Variants in SNX25 observed in about 807,000 individuals in gnomAD.
SNX25 encodes sorting nexin-25.
SNX25 carries 62 observed loss-of-function variants against 113.7 expected under a neutral mutation model. That is an observed-to-expected ratio of 0.55 (90% CI 0.44 to 0.67). The LOEUF is 0.67. SNX25 is among the 30% of genes least tolerant of loss of function. The pLI is 0.00. For missense variants in SNX25, 1,014 were observed against 1,161.0 expected (o/e 0.87, Z 1.84); for synonymous variants, 421 against 436.2 (o/e 0.97, Z 0.43).
intron 5 of SNX25, among the ~76,000 whole-genome samples, chr4:185,281,882 CG>C (rs1750622435): frequency 6.6e-6 from 1 of 151,864 alleles, no homozygotes; most frequent in Admixed American, 6.6e-5. Context: ...CGGGTATGGT[CG>C]TGCGCACCTG....
chr4:185,239,993 A>G (rs1242075232), intron 1 of SNX25, among the ~76,000 whole-genome samples: 1 of 150,878 alleles, frequency 6.6e-6, no homozygotes, highest in Non-Finnish European at 1.5e-5. Flanking sequence ...TCCTTCAAGC[A>G]TCTGTTTAAC....
chr4:185,278,856 A>T (rs1750129820), intron 5 of SNX25, among the ~76,000 whole-genome samples: 2 of 152,354 alleles, frequency 1.3e-5, no homozygotes, highest in South Asian at 2.1e-4. Context: ...AACAGCTGAC[A>T]TAAAACTATG....
the SNX25 span, chr4:185,376,994 T>C: frequency 4.3e-6 from 7 of 1,613,356 alleles, no homozygotes; most frequent in African/African-American, 5.3e-5. Context: ...CAATGCCTTA[T>C]CCACCAAATT....
At chr4:185,264,341 C>A in intron 3 of SNX25, 97 bp from the exon 4 acceptor site, 1 of 1,169,856 alleles carries the variant, frequency 8.5e-7, no homozygotes, top group Non-Finnish European at 1.2e-6. Context: ...GTTACTATAA[C>A]CAATGTGTTT....
At chr4:185,256,146 G>T (rs62347787) in intron 2 of SNX25, among the ~76,000 whole-genome samples, 51,725 of 152,026 alleles carry the variant, frequency 0.34, 10,645 homozygotes, top group East Asian at 0.56. Flanking sequence ...CCACCTTACA[G>T]ACTAGAAGCC....
chr4:185,239,412 C>T (rs193104044), intron 1 of SNX25, among the ~76,000 whole-genome samples: 388 of 152,160 alleles, frequency 2.5e-3, no homozygotes, highest in African/African-American at 4.6e-3. Context: ...GAACCCAGGA[C>T]GCGGAGCTTG....
intron 6 of SNX25, among the ~76,000 whole-genome samples, chr4:185,303,790 C>T (rs1311397856): frequency 2.0e-5 from 3 of 151,954 alleles, no homozygotes; most frequent in Non-Finnish European, 2.9e-5. Flanking sequence ...AACTCCTGTA[C>T]GATTTCTGCT....
chr4:185,280,293 G>A (rs761683735), intron 5 of SNX25, among the ~76,000 whole-genome samples: 3 of 152,148 alleles, frequency 2.0e-5, no homozygotes, highest in Middle Eastern at 3.2e-3. Flanking sequence ...AAGATTTTTG[G>A]TGTATCTATA....
At chr4:185,316,084 G>A (rs751250799) in intron 7 of SNX25, among the ~76,000 whole-genome samples, 6 of 152,130 alleles carry the variant, frequency 3.9e-5, no homozygotes. Flanking sequence ...AGTTTTTTAT[G>A]TCCTTTGTAA....
At chr4:185,357,847 C>T in intron 16 of SNX25, 110 bp downstream of exon 16, 1 of 926,628 alleles carries the variant, frequency 1.1e-6, no homozygotes, top group Non-Finnish European at 1.7e-6. Flanking sequence ...CTTTAATTTT[C>T]TCTCACTTTT....
intron 7 of SNX25, among the ~76,000 whole-genome samples, chr4:185,311,771 G>C (rs149550061): frequency 4.1e-4 from 62 of 152,272 alleles, no homozygotes; most frequent in African/African-American, 1.4e-3. Flanking sequence ...CTATTCCAGT[G>C]ATCAGCCTTG....
chr4:185,210,126 C>T lies in SNX25; in HGVS notation c.300C>T (p.Cys100=). Residue 100 remains cysteine (C), a synonymous_variant, in exon 1 of 19, where the codon TGC becomes TGT. Transcript: ENST00000652585. The surrounding 1 kb of genome is among the most constrained non-coding windows in gnomAD (Gnocchi z 4.4). ...VLFRLSLYLS[C]AAAAFLLGIL... ...TCAGGCTCAGCCTGTACCTGAGCTG[C>T]GCGGCGGCCGCCTTCCTGCTGGGGA... 3 of 984,058 alleles carry T rather than the reference C, an allele frequency of 3.0e-6. No homozygotes were observed. Among genetic ancestry groups the T allele is most frequent in the Non-Finnish European group, 3.6e-6 (3 of 829,490 alleles). 61.0% of individuals were successfully genotyped at this position (984,058 alleles called of 1,614,324 possible). A position where few individuals can be genotyped will look rare whatever the true frequency, so the allele number is the denominator to read the frequency against.
chr4:185,290,529 T>C (rs1337730010), intron 6 of SNX25, among the ~76,000 whole-genome samples: 1 of 152,212 alleles, frequency 6.6e-6, no homozygotes, highest in Non-Finnish European at 1.5e-5. Flanking sequence ...CTGCATAGTA[T>C]AATGCTCCAG....
chr4:185,301,069 C>T (rs1368826456), intron 6 of SNX25, among the ~76,000 whole-genome samples: 1 of 152,100 alleles, frequency 6.6e-6, no homozygotes, highest in African/African-American at 2.4e-5. Context: ...ACCCTCATTC[C>T]AAAGAGGGTC....
chr4:185,223,027 A>G (rs1210978557), intron 1 of SNX25, among the ~76,000 whole-genome samples: 5 of 152,222 alleles, frequency 3.3e-5, no homozygotes, highest in African/African-American at 1.2e-4. Context: ...ATTATACAAT[A>G]AAGAATGCAG....
intron 1 of SNX25, among the ~76,000 whole-genome samples, chr4:185,228,593 G>T (rs969283352): frequency 3.3e-5 from 5 of 152,102 alleles, no homozygotes; most frequent in African/African-American, 1.2e-4. Flanking sequence ...CTAGAGTGCA[G>T]AGGAGGATTG....
At chr4:185,376,823 C>G in the SNX25 span, 1 of 880,360 alleles carries the variant, frequency 1.1e-6, no homozygotes, top group East Asian at 2.6e-5. Flanking sequence ...TAGTATAACA[C>G]AGTAAGAAAC....
chr4:185,371,264 G>A (rs891811328), downstream of SNX25, among the ~76,000 whole-genome samples: 1 of 152,164 alleles, frequency 6.6e-6, no homozygotes, highest in African/African-American at 2.4e-5. Flanking sequence ...AATTGGCTGG[G>A]CGCGGTGGCT....
chr4:185,236,106 T>C (rs959341657), intron 1 of SNX25, among the ~76,000 whole-genome samples: 5 of 152,192 alleles, frequency 3.3e-5, no homozygotes, highest in African/African-American at 9.7e-5. Flanking sequence ...CTAGATAAAC[T>C]CCTCTACATT....
Sources: allele counts gnomAD v4.1 joint callset (sites outside exome capture counted in the v4.1 genomes callset), GRCh38; gene constraint gnomAD v4.1.1; non-coding constraint Gnocchi (gnomAD v3.1); transcripts MANE v1.5; gene names NCBI Gene and HGNC (gene_info 2026-07-23, HGNC 2026-07-21).